The following LRP1B variants were observed in gnomAD, a reference collection of about 807,000 sequenced individuals.
The protein encoded by LRP1B is LDL receptor related protein 1B.
Under a neutral mutation model 556.6 loss-of-function variants are expected in LRP1B, and 217 were observed. The observed-to-expected ratio is 0.39, with a 90% CI of 0.35 to 0.44. The LOEUF (loss-of-function observed/expected upper bound fraction) is 0.44, where lower values mean the gene tolerates loss of function less well. Among genes scored for constraint, LRP1B ranks in the 20% least tolerant of loss-of-function variants. LRP1B has a pLI of 1.00. For missense variants in LRP1B, 5,053 were observed against 5,620.8 expected (o/e 0.90, Z 3.23); for synonymous variants, 2,047 against 1,865.8 (o/e 1.10, Z -2.50).
intron 85 of LRP1B, among the ~76,000 whole-genome samples, chr2:140,273,834 A>T (rs891702834): frequency 5.9e-5 from 9 of 151,996 alleles, no homozygotes; most frequent in African/African-American, 2.2e-4. Context: ...TTTTCCATTC[A>T]CTTAATCTTA....
intron 3 of LRP1B, among the ~76,000 whole-genome samples, chr2:141,471,269 T>TG (rs58189454): frequency 0.69 from 82,346 of 119,202 alleles, 24,476 homozygotes; most frequent in Non-Finnish European, 0.69. Context: ...TACCCTGGTA[T>TG]TTTTTTTTTT....
At chr2:141,508,090 CCA>C (rs1559111354) in intron 2 of LRP1B, among the ~76,000 whole-genome samples, 3 of 149,716 alleles carry the variant, frequency 2.0e-5, no homozygotes, top group Admixed American at 6.6e-5. Flanking sequence ...CATCCCCCCC[CCA>C]AAAAAAAAGA....
At position 140,964,884 on chromosome 2, in the gene LRP1B, G is replaced by A. The variant is rs529779023; in HGVS notation, c.2888-12944C>T. Among the ~76,000 whole-genome samples the A allele has an allele frequency of 1.2e-4, 18 of 152,254 alleles. 1 individual carries two copies. The Middle Eastern group carries it at 0.014, about 115-fold the overall frequency. ...CAGGAGAATCACTTGAACCCAGGAG[G>A]CGGAAGTCAAAGCGAGCTGAGACTG... On this transcript the variant is annotated intron_variant, in intron 18 of 90. Transcript: ENST00000389484.
At chr2:140,683,593 G>A (rs1194870417) in intron 41 of LRP1B, 2 of 693,372 alleles carry the variant, frequency 2.9e-6, no homozygotes, top group Non-Finnish European at 5.5e-6. Context: ...TTGCCAGGCT[G>A]TTCCTTGGGT....
intron 2 of LRP1B, among the ~76,000 whole-genome samples, chr2:141,513,868 G>A (rs1009014696): frequency 6.6e-6 from 1 of 152,130 alleles, no homozygotes; most frequent in African/African-American, 2.4e-5. Flanking sequence ...GGTCGTGGAG[G>A]AAGTCCATTT....
At chr2:141,071,350 G>A (rs578197765) in intron 7 of LRP1B, among the ~76,000 whole-genome samples, 1,852 of 151,386 alleles carry the variant, frequency 0.012, 41 homozygotes, top group African/African-American at 0.043. Flanking sequence ...TTGATGGGAC[G>A]TATCTCAAAA....
At chr2:141,376,621 A>C (rs191048917) in intron 3 of LRP1B, among the ~76,000 whole-genome samples, 1 of 152,346 alleles carries the variant, frequency 6.6e-6, no homozygotes, top group Admixed American at 6.5e-5. Context: ...TAAAATATGC[A>C]TGAAAATTTT....
At chr2:142,095,931 T>C (rs1436117830) in intron 1 of LRP1B, among the ~76,000 whole-genome samples, 1 of 151,674 alleles carries the variant, frequency 6.6e-6, no homozygotes, top group African/African-American at 2.4e-5. Context: ...TGAAATTAGT[T>C]TGTAGTTCCA....
intron 2 of LRP1B, among the ~76,000 whole-genome samples, chr2:141,661,310 G>A (rs557201050): frequency 3.3e-5 from 5 of 152,168 alleles, no homozygotes; most frequent in East Asian, 3.9e-4. Flanking sequence ...CAATGGCACC[G>A]GATTGGGCTG....
At chr2:140,632,351 T>C (rs1175671753) in intron 41 of LRP1B, among the ~76,000 whole-genome samples, 2 of 152,144 alleles carry the variant, frequency 1.3e-5, no homozygotes, top group Non-Finnish European at 2.9e-5. Context: ...ATGACAGCAA[T>C]GTTTTAAGGG....
intron 55 of LRP1B, among the ~76,000 whole-genome samples, chr2:140,498,777 G>T (rs1478784390): frequency 6.6e-6 from 1 of 151,708 alleles, no homozygotes; most frequent in Non-Finnish European, 1.5e-5. Context: ...ACATATATTT[G>T]TGTGCATAAT....
intron 21 of LRP1B, among the ~76,000 whole-genome samples, chr2:140,917,363 T>C (rs945931648): frequency 4.6e-5 from 7 of 152,106 alleles, no homozygotes; most frequent in African/African-American, 4.8e-5. Context: ...CCCAAATGAA[T>C]TGACAACTTA....
At chr2:140,298,070 T>G (rs1683678425) in intron 83 of LRP1B, 101 bp from the exon 84 acceptor site, 1 of 1,083,758 alleles carries the variant, frequency 9.2e-7, no homozygotes, top group Non-Finnish European at 1.3e-6. Flanking sequence ...AGGTTTCTGG[T>G]CAAGGTCTGT....
intron 2 of LRP1B, among the ~76,000 whole-genome samples, chr2:141,790,672 T>C (rs1264755963): frequency 6.6e-6 from 1 of 151,332 alleles, no homozygotes; most frequent in African/African-American, 2.4e-5. Context: ...TAATAAAAAA[T>C]CTATCTTACA....
At chr2:142,034,934 T>C (rs560817755) in intron 1 of LRP1B, among the ~76,000 whole-genome samples, 1 of 151,882 alleles carries the variant, frequency 6.6e-6, no homozygotes, top group South Asian at 2.1e-4. Flanking sequence ...ACTATAAAAA[T>C]GTATTGGTGG....
At chr2:141,109,141 G>A (rs1345985005) in intron 7 of LRP1B, among the ~76,000 whole-genome samples, 1 of 152,140 alleles carries the variant, frequency 6.6e-6, no homozygotes, top group Non-Finnish European at 1.5e-5. Context: ...AGTGGACTCA[G>A]AAAACAAGGA....
chr2:141,840,145 A>G (rs1697415999), intron 1 of LRP1B, among the ~76,000 whole-genome samples: 1 of 151,998 alleles, frequency 6.6e-6, no homozygotes, highest in Non-Finnish European at 1.5e-5. Flanking sequence ...TTATTAAGGT[A>G]GATTTGAAAA....
At chr2:141,935,604 C>G (rs985689421) in intron 1 of LRP1B, among the ~76,000 whole-genome samples, 13 of 151,926 alleles carry the variant, frequency 8.6e-5, no homozygotes, top group Admixed American at 8.5e-4. Context: ...CTTATTAATA[C>G]TTGAAATATA....
chr2:141,579,936 G>A (rs902177072), intron 2 of LRP1B, among the ~76,000 whole-genome samples: 1 of 151,870 alleles, frequency 6.6e-6, no homozygotes, highest in African/African-American at 2.4e-5. Flanking sequence ...TCCTGACCTC[G>A]TAATCCACCC....
Sources: gnomAD v4.1 joint callset for allele counts (sites outside exome capture counted in the v4.1 genomes callset) on GRCh38, gnomAD v4.1.1 for gene constraint, MANE v1.5 for transcripts, NCBI Gene and HGNC (gene_info 2026-07-23, HGNC 2026-07-21) for gene names.